Variants in DYNC1H1 observed in about 807,000 individuals in gnomAD.
DYNC1H1 encodes dynein cytoplasmic 1 heavy chain 1.
Under a neutral mutation model 527.1 loss-of-function variants are expected in DYNC1H1, and 51 were observed. The ratio of observed to expected loss-of-function variants is 0.10; its 90% CI spans 0.08 to 0.12. The LOEUF (loss-of-function observed/expected upper bound fraction) is 0.12, where lower values mean the gene tolerates loss of function less well. Ranked by LOEUF, DYNC1H1 falls within the 10% of genes least tolerant of loss-of-function variation. The pLI, the probability that DYNC1H1 is intolerant of heterozygous loss-of-function variation, is 1.00. For synonymous variants in DYNC1H1, 2,189 were observed against 2,278.8 expected, an observed-to-expected ratio of 0.96 and a Z score of 1.12; for missense variants, 2,771 against 5,971.8, an observed-to-expected ratio of 0.46 and a Z score of 17.66.
chr14:102,001,034 T>C lies in DYNC1H1; in HGVS notation c.4155T>C (p.Phe1385=), dbSNP rs775993342. Residue 1385 remains phenylalanine, a synonymous_variant, in exon 19 of 78, where the codon TTT becomes TTC. Coordinates refer to ENST00000360184, the MANE Select transcript of DYNC1H1 (RefSeq NM_001376.5). This position sits in a 1 kb window ranked among gnomAD's most constrained non-coding sequence, Gnocchi z 5.0. ...ARLRQYASYE[F]VQRLLKGYMK... ...TGCGACAGTATGCGTCCTATGAGTT[T>C]GTTCAGAGGCTTCTGAAAGGTTACA... is the stretch of plus-strand genomic sequence containing the variant. 2 of 1,614,198 alleles carry C rather than the reference T, an allele frequency of 1.2e-6. No homozygotes were observed. Among genetic ancestry groups the C allele is most frequent in the Non-Finnish European group, 1.7e-6 (2 of 1,180,040 alleles).
rs1725610555 is a variant in DYNC1H1, at chr14:102,000,084, C to T, written c.3900C>T (p.Ala1300=). The T allele has an allele frequency of 3.1e-6, 5 of 1,614,094 alleles. No individual in the cohort carries two copies. Among genetic ancestry groups the T allele is most frequent in the Non-Finnish European group, 3.4e-6 (4 of 1,180,028 alleles). ...LKDDREKCAK[A]KEALELTDTG... ...ACGACAGAGAGAAGTGTGCAAAGGC[C>T]AAGGAGGCGCTGGAATTGACAGATA... The change falls in exon 17 of 78, where the codon GCC becomes GCT. Residue 1300 remains alanine (A), a synonymous_variant. Transcript: ENST00000360184.
chr14:102,043,530 G>A (rs750413158), intron 69 of DYNC1H1: 34 of 369,996 alleles, frequency 9.2e-5, no homozygotes, highest in Non-Finnish European at 1.7e-4. Flanking sequence ...GGCGCCAAGT[G>A]AAGACCGAAA....
In DYNC1H1 at chr14:101,980,784, C is replaced by G. The variant is rs184876271; in HGVS notation, c.961+234C>G. Among the ~76,000 whole-genome samples, 9 of 152,326 alleles carry G rather than the reference C, an allele frequency of 5.9e-5. No individual in the cohort carries two copies. In the East Asian group the frequency reaches 1.2e-3, roughly 20 times the overall value. On this transcript the variant is annotated intron_variant, in intron 5 of 77. Transcript: ENST00000360184. ...GGGATTTAAGAACATGAAACAGTCT[C>G]TAGGTATGAGCACAGATTCCTTCTT...
intron 57 of DYNC1H1, chr14:102,037,206 A>T (rs2048586471): frequency 6.1e-6 from 1 of 164,240 alleles, no homozygotes; most frequent in Non-Finnish European, 1.3e-5. Context: ...CAGGCAGATC[A>T]CAAGGTCAGG....
At position 102,044,223 on chromosome 14, in the gene DYNC1H1, G is replaced by A. The variant is rs770999510; in HGVS notation, c.12685-51G>A. On this transcript the variant is annotated intron_variant, in intron 70 of 77. Transcript: ENST00000360184. The surrounding 1 kb of genome is among the most constrained non-coding windows in gnomAD (Gnocchi z 7.1). ...GCTGTGCCCCTCGAAAGGAAGCCCC[G>A]GGCCTGCCCGCCTCTGACCACACAC... The A allele has an allele frequency of 3.9e-5, 62 of 1,608,048 alleles. 2 individuals carry two copies. The highest frequency in any genetic ancestry group is 1.2e-4 in the African/African-American group (9 of 74,840).
At chr14:102,008,468 T>C in intron 29 of DYNC1H1, 131 bp downstream of exon 29, 1 of 1,270,384 alleles carries the variant, frequency 7.9e-7, no homozygotes, top group African/African-American at 1.5e-5. Context: ...ACAGGCAGTG[T>C]AGTGAGCTGT....
intron 77 of DYNC1H1, 74 bp downstream of exon 77, chr14:102,050,272 C>T: frequency 6.2e-7 from 1 of 1,612,948 alleles, no homozygotes; most frequent in South Asian, 1.1e-5. Flanking sequence ...GGCTCCTCTT[C>T]TATGCCTGGG....
chr14:101,984,590 A>G (rs2047910993), intron 7 of DYNC1H1, among the ~76,000 whole-genome samples: 1 of 148,826 alleles, frequency 6.7e-6, no homozygotes, highest in African/African-American at 2.5e-5. Context: ...AGCCGGAATT[A>G]CAGGCGCCAG....
Position 101,995,246 on chromosome 14 carries a change from C to CACCT in DYNC1H1, c.3512_3515dup (p.Val1173LeufsTer13). On this transcript the variant is annotated frameshift_variant, in exon 15 of 78. Transcript: ENST00000360184. LOFTEE classifies it high-confidence loss of function. ...GCACCTCCGATGCAGTGACCTTCAT[C>CACCT]ACCTATGTGCAGTCTTTGAAACGGA... 6.2e-7 allele frequency: 1 copy of CACCT among 1,614,244 alleles called. No individual in the cohort carries two copies. The highest frequency in any genetic ancestry group is 8.5e-7 in the Non-Finnish European group (1 of 1,180,044).
chr14:102,006,528 C>A (rs563162759), intron 27 of DYNC1H1, among the ~76,000 whole-genome samples: 2 of 151,148 alleles, frequency 1.3e-5, no homozygotes, highest in Non-Finnish European at 2.9e-5. Context: ...TCACCACGCC[C>A]GGCCTGAATG....
chr14:101,965,432 G>T lies in DYNC1H1; in HGVS notation c.256+485G>T, dbSNP rs2047655490. Among the ~76,000 whole-genome samples, 1 of 152,170 alleles carries T rather than the reference G, an allele frequency of 6.6e-6. No homozygotes were observed. The highest frequency in any genetic ancestry group is 2.1e-4 in the South Asian group (1 of 4,828). ...TGGCCTTCGGGAGGGATGTGTCGGG[G>T]GCAGACCCGCGGAGCTGGGGGCAGC... On this transcript the variant is annotated intron_variant, in intron 1 of 77. Coordinates refer to ENST00000360184, the MANE Select transcript of DYNC1H1 (RefSeq NM_001376.5). The surrounding 1 kb of genome is among the most constrained non-coding windows in gnomAD (Gnocchi z 4.1).
At position 102,039,777 on chromosome 14, in the gene DYNC1H1, C is replaced by T. The variant is rs1178406534; in HGVS notation, c.11690+45C>T. ...CAGGAGGATGCCATATTGCTGGTGG[C>T]CCCCAAGGGTTTCATGATCAGATAC... On this transcript the variant is annotated intron_variant, in intron 62 of 77. Coordinates refer to ENST00000360184, the MANE Select transcript of DYNC1H1 (RefSeq NM_001376.5). The surrounding 1 kb of genome is among the most constrained non-coding windows in gnomAD (Gnocchi z 7.0). The T allele has an allele frequency of 3.8e-6, 6 of 1,593,004 alleles. No individual in the cohort carries two copies. In the African/African-American group the frequency reaches 6.7e-5, roughly 18 times the overall value.
rs762481812 is a variant in DYNC1H1 at position 102,039,746 on chromosome 14, C to G, written c.11690+14C>G. ...GGGCACCGTGGGGTAAGAGCACTCACGCCCACAGGAGGATGCCATATTGCT... is the reference window on the plus strand; with the variant it reads ...GGGCACCGTGGGGTAAGAGCACTCAGGCCCACAGGAGGATGCCATATTGCT... On this transcript the variant is annotated intron_variant, in intron 62 of 77. Transcript: ENST00000360184. This position sits in a 1 kb window ranked among gnomAD's most constrained non-coding sequence, Gnocchi z 7.0. The G allele has an allele frequency of 4.3e-6, 7 of 1,614,080 alleles. No homozygotes were observed. In the Admixed American group the frequency reaches 6.7e-5, roughly 15 times the overall value.
At chr14:102,040,103 C>T in intron 62 of DYNC1H1, 133 bp from the exon 63 acceptor site, 1 of 1,276,924 alleles carries the variant, frequency 7.8e-7, no homozygotes, top group Non-Finnish European at 1.1e-6. Flanking sequence ...CCTCGGCCTC[C>T]CAGAGTGCTG....
chr14:101,973,276 A>C (rs1271710478), intron 1 of DYNC1H1, among the ~76,000 whole-genome samples: 1 of 149,500 alleles, frequency 6.7e-6, no homozygotes, highest in Non-Finnish European at 1.5e-5. Flanking sequence ...CTCTTACCCC[A>C]ACCTCCCAAA....
intron 8 of DYNC1H1, 105 bp from the exon 9 acceptor site, chr14:101,987,348 G>A: frequency 7.9e-7 from 1 of 1,268,778 alleles, no homozygotes; most frequent in Admixed American, 2.0e-5. Context: ...GAAGAACTGT[G>A]CCTGGAGCAT....
chr14:101,993,795 G>T (rs1396596962), intron 11 of DYNC1H1, among the ~76,000 whole-genome samples: 1 of 152,162 alleles, frequency 6.6e-6, no homozygotes, highest in African/African-American at 2.4e-5. Flanking sequence ...CATTCTGTGT[G>T]TTTTGCTTAT....
intron 73 of DYNC1H1, 78 bp downstream of exon 73, chr14:102,048,106 AC>A: frequency 6.6e-7 from 1 of 1,505,670 alleles, no homozygotes; most frequent in Non-Finnish European, 9.0e-7. Flanking sequence ...TGTTCCATGG[AC>A]CATTGGTTCC....
rs2048800998 is a variant in DYNC1H1, at chr14:102,050,900, C to G, written c.*337C>G. 2.7e-6 allele frequency: 1 copy of G among 375,412 alleles called. No homozygotes were observed. Among genetic ancestry groups the G allele is most frequent in the Non-Finnish European group, 5.1e-6 (1 of 196,442 alleles). The allele number at this position is 375,412 out of a possible 1,614,324, so 23.3% of individuals were successfully genotyped here. A position where few individuals can be genotyped will look rare whatever the true frequency, so the allele number is the denominator to read the frequency against. ...GGCAGCCATGCCCCTCCCCACCTCGCTTTCATCATGAGCTCGCTCCCGAGC... is the reference window on the plus strand; with the variant it reads ...GGCAGCCATGCCCCTCCCCACCTCGGTTTCATCATGAGCTCGCTCCCGAGC... On this transcript the variant is annotated 3_prime_UTR_variant, in exon 78 of 78. Coordinates refer to ENST00000360184, the MANE Select transcript of DYNC1H1 (RefSeq NM_001376.5).
Sources: allele counts gnomAD v4.1 joint callset (sites outside exome capture counted in the v4.1 genomes callset), GRCh38; gene constraint gnomAD v4.1.1; non-coding constraint Gnocchi (gnomAD v3.1); transcripts MANE v1.5; gene names NCBI Gene and HGNC (gene_info 2026-07-23, HGNC 2026-07-21).